Variants in ZDHHC14 observed in about 807,000 individuals in gnomAD.
The protein encoded by ZDHHC14 is palmitoyltransferase ZDHHC14.
In ZDHHC14, 16 loss-of-function variants were observed where a neutral mutation model predicts 47.7. The observed-to-expected ratio is 0.34, with a 90% CI of 0.23 to 0.51. The LOEUF (loss-of-function observed/expected upper bound fraction) is 0.51, where lower values mean the gene tolerates loss of function less well. ZDHHC14 is among the 20% of genes least tolerant of loss of function. The probability of loss-of-function intolerance (pLI) is 0.97; values close to 1 mark genes in which losing one functional copy is unlikely to be tolerated. For missense variants in ZDHHC14, 515 were observed against 662.5 expected (o/e 0.78, Z 2.44); for synonymous variants, 293 against 278.9 (o/e 1.05, Z -0.50).
At chr6:157,577,722 G>A (rs769711311) in intron 2 of ZDHHC14, among the ~76,000 whole-genome samples, 2 of 152,120 alleles carry the variant, frequency 1.3e-5, no homozygotes, top group African/African-American at 2.4e-5. Context: ...GCTAATTTTT[G>A]TATTTTTAGT....
intron 1 of ZDHHC14, among the ~76,000 whole-genome samples, chr6:157,454,686 A>G (rs147939614): frequency 0.015 from 2,340 of 152,206 alleles, 31 homozygotes; most frequent in Non-Finnish European, 0.023. Flanking sequence ...ATCTTTAAAC[A>G]TGAACTGACA....
At chr6:157,569,128 G>A (rs1279933025) in intron 2 of ZDHHC14, among the ~76,000 whole-genome samples, 1 of 151,804 alleles carries the variant, frequency 6.6e-6, no homozygotes, top group Non-Finnish European at 1.5e-5. Flanking sequence ...TATGTGACAA[G>A]CCAACCTATA....
In ZDHHC14 at chr6:157,463,071, G is replaced by A. The variant is rs1242817243; in HGVS notation, c.246-79514G>A. ...TCTTATGTCGGCTGAGTTCAAGTAG[G>A]TAGGTGCATGTTATATAGAAAGTTT... On this transcript the variant is annotated intron_variant, in intron 1 of 8. Transcript: ENST00000359775. The surrounding 1 kb of genome is among the most constrained non-coding windows in gnomAD (Gnocchi z 4.4). Among the ~76,000 whole-genome samples the A allele has an allele frequency of 1.3e-5, 2 of 152,206 alleles. No homozygotes were observed. Among genetic ancestry groups the A allele is most frequent in the Non-Finnish European group, 2.9e-5 (2 of 68,046 alleles).
chr6:157,525,295 G>A (rs2114773753), intron 1 of ZDHHC14, among the ~76,000 whole-genome samples: 1 of 152,288 alleles, frequency 6.6e-6, no homozygotes, highest in East Asian at 1.9e-4. Flanking sequence ...TGAGTAGCCA[G>A]GACTACAGGC....
chr6:157,496,577 T>A (rs564305009), intron 1 of ZDHHC14, among the ~76,000 whole-genome samples: 43 of 152,232 alleles, frequency 2.8e-4, no homozygotes, highest in African/African-American at 9.6e-4. Flanking sequence ...GAGATGGACA[T>A]ACACAAAGGG....
intron 8 of ZDHHC14, among the ~76,000 whole-genome samples, chr6:157,670,928 A>G (rs758633611): frequency 1.3e-5 from 2 of 152,060 alleles, no homozygotes; most frequent in Non-Finnish European, 2.9e-5. Flanking sequence ...TTAGAAAGAA[A>G]CCCATGAGGC....
chr6:157,632,741 C>T, intron 4 of ZDHHC14, 93 bp from the exon 5 acceptor site: 1 of 1,179,674 alleles, frequency 8.5e-7, no homozygotes, highest in African/African-American at 1.5e-5. Context: ...TTTCATTGAT[C>T]TTTAGCCATC....
intron 8 of ZDHHC14, among the ~76,000 whole-genome samples, chr6:157,662,174 C>T (rs1778371754): frequency 6.6e-6 from 1 of 151,420 alleles, no homozygotes; most frequent in Non-Finnish European, 1.5e-5. Context: ...CTAACTTACC[C>T]CTTTATTTTA....
chr6:157,588,683 A>G (rs1241335887), intron 2 of ZDHHC14, among the ~76,000 whole-genome samples: 1 of 152,180 alleles, frequency 6.6e-6, no homozygotes, highest in East Asian at 1.9e-4. Context: ...GTGGCCCCTC[A>G]CCTGACTAAG....
At chr6:157,506,099 A>T (rs1419907750) in intron 1 of ZDHHC14, among the ~76,000 whole-genome samples, 1 of 152,208 alleles carries the variant, frequency 6.6e-6, no homozygotes, top group Non-Finnish European at 1.5e-5. Flanking sequence ...CTTTTCCCAC[A>T]CTTAGTCTGG....
At chr6:157,414,912 G>T (rs977561381) in intron 1 of ZDHHC14, among the ~76,000 whole-genome samples, 1 of 150,350 alleles carries the variant, frequency 6.7e-6, no homozygotes. Flanking sequence ...CCAAGTACAG[G>T]CTTTCGAGAC....
At chr6:157,565,424 A>G (rs1266896532) in intron 2 of ZDHHC14, among the ~76,000 whole-genome samples, 1 of 152,300 alleles carries the variant, frequency 6.6e-6, no homozygotes, top group South Asian at 2.1e-4. Context: ...AATACAAAAA[A>G]TTAGTTTATG....
chr6:157,507,475 T>A (rs1780355346), intron 1 of ZDHHC14, among the ~76,000 whole-genome samples: 1 of 152,032 alleles, frequency 6.6e-6, no homozygotes, highest in African/African-American at 2.4e-5. Context: ...TGAGAAGGAG[T>A]TTTGCCATGT....
At chr6:157,538,141 T>G (rs1006614756) in intron 1 of ZDHHC14, among the ~76,000 whole-genome samples, 2 of 152,222 alleles carry the variant, frequency 1.3e-5, no homozygotes, top group African/African-American at 4.8e-5. Context: ...CAGAGGCTGG[T>G]GGAACGGGAC....
At chr6:157,539,879 T>C (rs948027402) in intron 1 of ZDHHC14, among the ~76,000 whole-genome samples, 7 of 150,154 alleles carry the variant, frequency 4.7e-5, no homozygotes, top group African/African-American at 1.8e-4. Context: ...TTTGCTTAAA[T>C]GGCACTGTTT....
At chr6:157,471,413 A>G (rs1449289657) in intron 1 of ZDHHC14, among the ~76,000 whole-genome samples, 1 of 151,880 alleles carries the variant, frequency 6.6e-6, no homozygotes, top group Non-Finnish European at 1.5e-5. Context: ...CGCCGACACC[A>G]GACACACCTG....
rs767637482 is a variant in ZDHHC14, at chr6:157,659,352, G to A, written c.1068+5725G>A. Among the ~76,000 whole-genome samples the A allele has an allele frequency of 5.3e-5, 8 of 152,192 alleles. No individual in the cohort carries two copies. In the East Asian group the frequency reaches 9.6e-4, roughly 18 times the overall value. On this transcript the variant is annotated intron_variant, in intron 8 of 8. Transcript: ENST00000359775. ...AACCTCTAGCAGAGCGAGTTCCAGC[G>A]TGGTCTCCGGGCCCCGCACTGTTGC...
intron 8 of ZDHHC14, among the ~76,000 whole-genome samples, chr6:157,668,984 A>G (rs958510312): frequency 2.6e-5 from 4 of 152,224 alleles, no homozygotes; most frequent in Admixed American, 1.3e-4. Context: ...AACAAACAAT[A>G]TGCAGAGAAC....
At chr6:157,484,323 A>ATATGTATATATACAT (rs1779715040) in intron 1 of ZDHHC14, among the ~76,000 whole-genome samples, 6 of 136,204 alleles carry the variant, frequency 4.4e-5, no homozygotes, top group East Asian at 2.1e-4. Context: ...ATACACATAT[A>ATATGTATATATACAT]TATACGTATA....
Sources: allele counts gnomAD v4.1 joint callset (sites outside exome capture counted in the v4.1 genomes callset), GRCh38; gene constraint gnomAD v4.1.1; non-coding constraint Gnocchi (gnomAD v3.1); transcripts MANE v1.5; gene names NCBI Gene and HGNC (gene_info 2026-07-23, HGNC 2026-07-21).